The following ADAM10 variants were observed in gnomAD, a reference collection of about 807,000 sequenced individuals.
The protein encoded by ADAM10 is ADAM metallopeptidase domain 10, also known as disintegrin and metalloproteinase domain-containing protein 10.
Under a neutral mutation model 90.1 loss-of-function variants are expected in ADAM10, and 17 were observed. That is an observed-to-expected ratio of 0.19 (90% CI 0.13 to 0.28). The LOEUF (loss-of-function observed/expected upper bound fraction) is 0.28. Ranked by LOEUF, ADAM10 falls within the 10% of genes least tolerant of loss-of-function variation. ADAM10 has a pLI of 1.00. For synonymous variants in ADAM10, 310 were observed against 298.6 expected, an observed-to-expected ratio of 1.04 and a Z score of -0.40; for missense variants, 610 against 914.3, an observed-to-expected ratio of 0.67 and a Z score of 4.29.
At chr15:58,736,199 G>A (rs565540208) in intron 1 of ADAM10, among the ~76,000 whole-genome samples, 3 of 152,230 alleles carry the variant, frequency 2.0e-5, no homozygotes, top group Admixed American at 6.5e-5. Flanking sequence ...ATGTTATTGT[G>A]CTATTATTCC....
chr15:58,629,011 TTA>T (rs1414033144), intron 9 of ADAM10, among the ~76,000 whole-genome samples: 2 of 152,242 alleles, frequency 1.3e-5, no homozygotes, highest in African/African-American at 2.4e-5. Context: ...TTATCTTGCT[TTA>T]TGTTTTCAAC....
intron 2 of ADAM10, among the ~76,000 whole-genome samples, chr15:58,700,345 A>G (rs1430557659): frequency 1.3e-5 from 2 of 152,230 alleles, no homozygotes; most frequent in African/African-American, 4.8e-5. Context: ...TTAGGAAACA[A>G]AACGTTTCAA....
At chr15:58,598,644 C>A (rs1895023989) in intron 15 of ADAM10, among the ~76,000 whole-genome samples, 2 of 152,216 alleles carry the variant, frequency 1.3e-5, no homozygotes, top group African/African-American at 4.8e-5. Context: ...TCATTTAGTT[C>A]TGGCTCTCCC....
chr15:58,632,171 ATATTTCTGTGTTGTACTGATCTT>A (rs1443722822), intron 9 of ADAM10, among the ~76,000 whole-genome samples: 1 of 152,186 alleles, frequency 6.6e-6, no homozygotes, highest in African/African-American at 2.4e-5. Flanking sequence ...TCAGTATTTC[ATATTTCTGTGTTGTACTGATCTT>A]TAAGGTCACT....
intron 3 of ADAM10, among the ~76,000 whole-genome samples, chr15:58,681,574 C>G (rs552401982): frequency 6.6e-6 from 1 of 152,240 alleles, no homozygotes; most frequent in East Asian, 1.9e-4. Context: ...TCTCCAACAC[C>G]CCCAGAAGAT....
In ADAM10 at chr15:58,647,248, A is replaced by ATTTTTTTTTTTTTTTTTTTTTTTTTTTT. The variant is rs67378373; in HGVS notation, c.586-1072_586-1045dup. On this transcript the variant is annotated intron_variant, in intron 5 of 15. Transcript: ENST00000260408. Reference sequence around the variant, plus strand: ...TGGCAGCAAAGAGTAGACACTAAGTATTTTTTTTTTTTTTTTTTTTTTTTT... The same window carrying ATTTTTTTTTTTTTTTTTTTTTTTTTTTT: ...TGGCAGCAAAGAGTAGACACTAAGTATTTTTTTTTTTTTTTTTTTTTTTTTTTTTTTTTTTTTTTTTTTTTTTTTTTTT... Among the ~76,000 whole-genome samples, 23 of 59,600 alleles carry ATTTTTTTTTTTTTTTTTTTTTTTTTTTT rather than the reference A, an allele frequency of 3.9e-4. 8 individuals are homozygous for ATTTTTTTTTTTTTTTTTTTTTTTTTTTT. The highest frequency in any genetic ancestry group is 7.2e-4 in the Non-Finnish European group (20 of 27,850). The allele number at this position is 59,600 out of a possible 152,430, so 39.1% of individuals were successfully genotyped here. A position where few individuals can be genotyped will look rare whatever the true frequency, so the allele number is the denominator to read the frequency against.
intron 2 of ADAM10, among the ~76,000 whole-genome samples, chr15:58,695,881 C>T (rs1225797897): frequency 6.6e-6 from 1 of 152,040 alleles, no homozygotes; most frequent in Non-Finnish European, 1.5e-5. Flanking sequence ...CTTTGGGAGG[C>T]CGAGGCGGGT....
intron 1 of ADAM10, among the ~76,000 whole-genome samples, chr15:58,737,419 A>G (rs1281154365): frequency 6.6e-6 from 1 of 152,196 alleles, no homozygotes; most frequent in African/African-American, 2.4e-5. Flanking sequence ...AAATACTGTA[A>G]GTACAAAGAA....
chr15:58,730,581 T>C (rs572805636), intron 1 of ADAM10, among the ~76,000 whole-genome samples: 10 of 152,332 alleles, frequency 6.6e-5, no homozygotes, highest in African/African-American at 2.4e-4. Context: ...AATTCACCTT[T>C]TTTTCCTCTA....
chr15:58,704,184 T>C (rs1021501932), intron 2 of ADAM10: 1 of 152,258 alleles, frequency 6.6e-6, no homozygotes, highest in African/African-American at 2.4e-5. Flanking sequence ...AATGTGAGAA[T>C]GGACTAATAC....
rs1357190576 is a variant in ADAM10, at chr15:58,591,233, C to T, written c.*6314G>A. ...TGACTGATAGCTTCAAGAGTTCACC[C>T]TAGCAGTTGAAATCAATTAATTATT... is the stretch of plus-strand genomic sequence containing the variant. On this transcript the variant is annotated 3_prime_UTR_variant, in exon 16 of 16. Coordinates refer to ENST00000260408, the MANE Select transcript of ADAM10 (RefSeq NM_001110.4). The T allele has an allele frequency of 6.6e-6, 1 of 152,146 alleles. No homozygotes were observed. Among genetic ancestry groups the T allele is most frequent in the Non-Finnish European group, 1.5e-5 (1 of 68,026 alleles). 9.4% of individuals were successfully genotyped at this position (152,146 alleles called of 1,614,324 possible).
At chr15:58,688,446 T>TAA (rs11381678) in intron 2 of ADAM10, among the ~76,000 whole-genome samples, 34 of 150,184 alleles carry the variant, frequency 2.3e-4, no homozygotes, top group African/African-American at 6.6e-4. Context: ...CACAAACTAT[T>TAA]AAAAAAAACA....
chr15:58,649,695 T>C (rs1896638224), intron 5 of ADAM10, among the ~76,000 whole-genome samples: 1 of 152,202 alleles, frequency 6.6e-6, no homozygotes, highest in Non-Finnish European at 1.5e-5. Flanking sequence ...TTAAACTTTT[T>C]CTCACCGGCT....
chr15:58,727,222 C>T (rs1228760190), intron 1 of ADAM10, among the ~76,000 whole-genome samples: 2 of 122,360 alleles, frequency 1.6e-5, no homozygotes, highest in Admixed American at 1.1e-4. Context: ...AACAGCGTTT[C>T]GCTCGTTGCC....
At position 58,590,531 on chromosome 15, in the gene ADAM10, G is replaced by T. The variant is rs776832459; in HGVS notation, c.*7016C>A. 1 of 152,172 alleles carries T rather than the reference G, an allele frequency of 6.6e-6. No individual in the cohort carries two copies. Among genetic ancestry groups the T allele is most frequent in the Non-Finnish European group, 1.5e-5 (1 of 68,036 alleles). 9.4% of individuals were successfully genotyped at this position (152,172 alleles called of 1,614,324 possible). On this transcript the variant is annotated 3_prime_UTR_variant, in exon 16 of 16. Transcript: ENST00000260408. ...TCAAACATGCTCTGATATGTTTCAA[G>T]GAGGAGGAAAGGAGGAGAAAGAGGA...
chr15:58,678,581 C>T (rs1897347610), intron 4 of ADAM10, among the ~76,000 whole-genome samples: 1 of 152,126 alleles, frequency 6.6e-6, no homozygotes, highest in African/African-American at 2.4e-5. Context: ...AATACATTTT[C>T]TATTCTTAGA....
chr15:58,640,738 C>A lies in ADAM10; in HGVS notation c.1012+39G>T, dbSNP rs1693879186. ...ATTCTCTGAAAACTCCCCTTTGTTTCAAGTAGTAAGTTAAGACATATTTAA... is the reference window on the plus strand; with the variant it reads ...ATTCTCTGAAAACTCCCCTTTGTTTAAAGTAGTAAGTTAAGACATATTTAA... On this transcript the variant is annotated intron_variant, in intron 8 of 15. Transcript: ENST00000260408. The A allele has an allele frequency of 2.5e-6, 4 of 1,591,278 alleles. No homozygotes were observed. In the African/African-American group the frequency reaches 5.4e-5, roughly 21 times the overall value.
intron 2 of ADAM10, chr15:58,693,261 G>T (rs983660473): frequency 1.3e-5 from 7 of 555,108 alleles, no homozygotes; most frequent in South Asian, 1.1e-4. Flanking sequence ...AAATGCACAC[G>T]GCACCAAGGC....
At chr15:58,639,050 T>C (rs938168445) in intron 8 of ADAM10, among the ~76,000 whole-genome samples, 2 of 151,932 alleles carry the variant, frequency 1.3e-5, no homozygotes, top group African/African-American at 2.4e-5. Context: ...TTAAGTACAA[T>C]AGTCTGTAAC....
Sources: gnomAD v4.1 joint callset for allele counts (sites outside exome capture counted in the v4.1 genomes callset) on GRCh38, gnomAD v4.1.1 for gene constraint, MANE v1.5 for transcripts, NCBI Gene and HGNC (gene_info 2026-07-23, HGNC 2026-07-21) for gene names.